WDR7: variants seen among roughly 807,000 people sequenced by gnomAD.
WDR7 encodes the protein WD repeat domain 7, also known as WD repeat-containing protein 7.
In WDR7, 46 loss-of-function variants were observed where a neutral mutation model predicts 169.4. The ratio of observed to expected loss-of-function variants is 0.27; its 90% confidence interval spans 0.21 to 0.35. The LOEUF is 0.35. Ranked by LOEUF, WDR7 falls within the 10% of genes least tolerant of loss-of-function variation. WDR7 has a pLI of 1.00. For missense variants in WDR7, 1,534 were observed against 1,859.3 expected (o/e 0.83, Z 3.22); for synonymous variants, 612 against 666.8 (o/e 0.92, Z 1.27).
chr18:56,963,578 G>T (rs969476795), intron 26 of WDR7, among the ~76,000 whole-genome samples: 1 of 152,080 alleles, frequency 6.6e-6, no homozygotes, highest in Admixed American at 6.6e-5. Flanking sequence ...AGCTTTCTTT[G>T]TTCAGACCTT....
chr18:56,694,896 T>A, intron 10 of WDR7, 54 bp from the exon 11 acceptor site: 1 of 1,552,106 alleles, frequency 6.4e-7, no homozygotes, highest in Non-Finnish European at 8.7e-7. Context: ...ATGTTTTAAA[T>A]TTTTTTTAAC....
intron 22 of WDR7, among the ~76,000 whole-genome samples, chr18:56,926,604 T>A (rs1358338959): frequency 6.6e-6 from 1 of 152,198 alleles, no homozygotes; most frequent in Non-Finnish European, 1.5e-5. Flanking sequence ...ATGTAGTTTG[T>A]CCACAGACAC....
intron 5 of WDR7, among the ~76,000 whole-genome samples, chr18:56,685,449 G>A (rs1213324632): frequency 6.6e-6 from 1 of 152,134 alleles, no homozygotes; most frequent in African/African-American, 2.4e-5. Flanking sequence ...TGACCCTGGT[G>A]CTGTCACTAG....
chr18:56,823,971 C>A (rs1316341282), intron 20 of WDR7, among the ~76,000 whole-genome samples: 2 of 152,182 alleles, frequency 1.3e-5, no homozygotes, highest in East Asian at 3.9e-4. Context: ...GAAGCCAGTT[C>A]ATCACCCTTC....
intron 20 of WDR7, among the ~76,000 whole-genome samples, chr18:56,831,710 G>A (rs116632900): frequency 1.4e-3 from 220 of 152,088 alleles, no homozygotes; most frequent in African/African-American, 4.6e-3. Context: ...GTGAGGCGTC[G>A]TCTCACCCAG....
chr18:56,832,688 C>T (rs966729523), intron 20 of WDR7, among the ~76,000 whole-genome samples: 1 of 152,178 alleles, frequency 6.6e-6, no homozygotes, highest in Admixed American at 6.5e-5. Context: ...CTGGTGATAC[C>T]TGGGCAAACA....
intron 13 of WDR7, chr18:56,721,824 T>C (rs2026329186): frequency 1.3e-5 from 2 of 152,360 alleles, no homozygotes; most frequent in African/African-American, 4.8e-5. Flanking sequence ...TGGCTTCTTT[T>C]TATCATTCTT....
intron 13 of WDR7, among the ~76,000 whole-genome samples, chr18:56,729,340 G>T (rs1333203756): frequency 6.6e-6 from 1 of 151,944 alleles, no homozygotes; most frequent in Non-Finnish European, 1.5e-5. Flanking sequence ...GTAAAAAATT[G>T]ATATGTTACA....
chr18:56,968,535 A>AT (rs1320008049), intron 26 of WDR7, among the ~76,000 whole-genome samples: 1 of 152,238 alleles, frequency 6.6e-6, no homozygotes, highest in Non-Finnish European at 1.5e-5. Context: ...ATATTTCTGT[A>AT]TTAAACCATT....
At chr18:57,026,937 C>G (rs1489066491) in intron 27 of WDR7, 67 bp from the exon 28 acceptor site, 3 of 1,516,732 alleles carry the variant, frequency 2.0e-6, no homozygotes, top group Non-Finnish European at 2.7e-6. Context: ...AGAGATCGAC[C>G]CAGTCTCTGT....
At chr18:56,851,921 G>C (rs572448140) in intron 20 of WDR7, among the ~76,000 whole-genome samples, 2 of 152,150 alleles carry the variant, frequency 1.3e-5, no homozygotes, top group South Asian at 4.1e-4. Flanking sequence ...GAAAATTTGA[G>C]CAGTTGGGCT....
intron 26 of WDR7, among the ~76,000 whole-genome samples, chr18:56,999,959 A>G (rs915737585): frequency 1.3e-5 from 2 of 152,170 alleles, no homozygotes; most frequent in African/African-American, 4.8e-5. Context: ...CTTCAGTTGC[A>G]TTTGAGGCAG....
At chr18:56,799,355 C>G (rs995965505) in intron 19 of WDR7, among the ~76,000 whole-genome samples, 2 of 152,056 alleles carry the variant, frequency 1.3e-5, no homozygotes, top group African/African-American at 4.8e-5. Context: ...ATAAATGGAA[C>G]AGGATGACAA....
intron 1 of WDR7, among the ~76,000 whole-genome samples, chr18:56,652,137 GA>G (rs1262588346): frequency 6.6e-6 from 1 of 152,136 alleles, no homozygotes; most frequent in East Asian, 1.9e-4. Flanking sequence ...AGCTATGTTT[GA>G]AGTCAGCACT....
At chr18:56,933,390 T>C (rs1438045965) in intron 22 of WDR7, among the ~76,000 whole-genome samples, 2 of 152,224 alleles carry the variant, frequency 1.3e-5, no homozygotes, top group Non-Finnish European at 2.9e-5. Context: ...ATAAGACTTC[T>C]TATTTAGCTG....
intron 12 of WDR7, among the ~76,000 whole-genome samples, chr18:56,697,741 A>T (rs1272735308): frequency 6.6e-6 from 1 of 152,194 alleles, no homozygotes. Context: ...CTAATTTTTC[A>T]ATGCAAAAAT....
chr18:57,003,142 A>G (rs1366094612), intron 26 of WDR7, among the ~76,000 whole-genome samples: 2 of 152,172 alleles, frequency 1.3e-5, no homozygotes, highest in Non-Finnish European at 2.9e-5. Flanking sequence ...ATGCATTAGT[A>G]TAGATTTATT....
At chr18:56,872,140 G>A (rs1391699507) in intron 20 of WDR7, among the ~76,000 whole-genome samples, 1 of 151,926 alleles carries the variant, frequency 6.6e-6, no homozygotes, top group Non-Finnish European at 1.5e-5. Context: ...TCATAAAACC[G>A]CCTTTAGCCT....
At chr18:56,804,747 T>C (rs1186226667) in intron 19 of WDR7, among the ~76,000 whole-genome samples, 6 of 152,212 alleles carry the variant, frequency 3.9e-5, no homozygotes, top group African/African-American at 7.2e-5. Flanking sequence ...GATCATCACA[T>C]AGGCAATGTG....
Sources: gnomAD v4.1 joint callset for allele counts (sites outside exome capture counted in the v4.1 genomes callset) on GRCh38, gnomAD v4.1.1 for gene constraint, MANE v1.5 for transcripts, NCBI Gene and HGNC (gene_info 2026-07-23, HGNC 2026-07-21) for gene names.